Variants in MYO5B observed in about 807,000 individuals in gnomAD.
The protein encoded by MYO5B is unconventional myosin-Vb.
In MYO5B, 143 loss-of-function variants were observed where a neutral mutation model predicts 229.3. The observed-to-expected ratio is 0.62, with a 90% CI of 0.54 to 0.72. The LOEUF (loss-of-function observed/expected upper bound fraction) is 0.72. Among genes scored for constraint, MYO5B ranks in the 30% least tolerant of loss-of-function variants. MYO5B has a pLI of 0.00. For synonymous variants in MYO5B, 918 were observed against 885.2 expected (o/e 1.04, Z -0.66); for missense variants, 2,321 against 2,331.0 (o/e 1.00, Z 0.09).
At chr18:50,002,628 G>T (rs1005169772) in intron 4 of MYO5B, among the ~76,000 whole-genome samples, 2 of 152,208 alleles carry the variant, frequency 1.3e-5, no homozygotes, top group Non-Finnish European at 2.9e-5. Context: ...GAAACGGTTT[G>T]TAAGTGCTGT....
intron 7 of MYO5B, among the ~76,000 whole-genome samples, chr18:49,985,158 T>C (rs1032137483): frequency 1.3e-5 from 2 of 152,240 alleles, no homozygotes; most frequent in African/African-American, 2.4e-5. Flanking sequence ...AAAGATCTGA[T>C]ACAAGTAAAA....
chr18:50,184,072 C>T lies in MYO5B; in HGVS notation c.27+10695G>A, dbSNP rs528814076. Among the ~76,000 whole-genome samples, 10 of 152,272 alleles carry T rather than the reference C, an allele frequency of 6.6e-5. No homozygotes were observed. In the East Asian group the frequency reaches 9.6e-4, roughly 15 times the overall value. ...CTTTTTAAAATAAATTACCTAGTCT[C>T]GGGTATTCTGTTGCAGCAACACAAA... On this transcript the variant is annotated intron_variant, in intron 1 of 39. Coordinates refer to ENST00000285039, the MANE Select transcript of MYO5B (RefSeq NM_001080467.3).
At chr18:50,039,738 A>G (rs2029949624) in intron 3 of MYO5B, among the ~76,000 whole-genome samples, 1 of 152,200 alleles carries the variant, frequency 6.6e-6, no homozygotes, top group Non-Finnish European at 1.5e-5. Context: ...ATGTCAGTAC[A>G]AACAGAGGCA....
intron 22 of MYO5B, among the ~76,000 whole-genome samples, chr18:49,887,877 C>T (rs9304388): frequency 0.58 from 87,907 of 151,286 alleles, 25,671 homozygotes; most frequent in Middle Eastern, 0.67. Context: ...TTAGTAGAGA[C>T]GTGTTTCATC....
At chr18:49,959,023 C>T (rs924368725) in intron 12 of MYO5B, among the ~76,000 whole-genome samples, 7 of 152,140 alleles carry the variant, frequency 4.6e-5, no homozygotes, top group African/African-American at 1.7e-4. Flanking sequence ...GACACGGCTT[C>T]TCATTCTCCC....
At chr18:50,048,946 G>T (rs2941746) in intron 2 of MYO5B, among the ~76,000 whole-genome samples, 11 of 151,600 alleles carry the variant, frequency 7.3e-5, no homozygotes, top group South Asian at 6.3e-4. Context: ...TACTTGAACC[G>T]GGGGGGCAGA....
intron 1 of MYO5B, among the ~76,000 whole-genome samples, chr18:50,117,565 T>C (rs2144525885): frequency 6.6e-6 from 1 of 152,016 alleles, no homozygotes; most frequent in Middle Eastern, 3.4e-3. Flanking sequence ...ACTTGTAACT[T>C]ACAAAATGGG....
At chr18:49,948,941 G>C (rs567703533) in intron 14 of MYO5B, among the ~76,000 whole-genome samples, 10 of 152,336 alleles carry the variant, frequency 6.6e-5, no homozygotes, top group African/African-American at 2.4e-4. Flanking sequence ...GCACTTGGAA[G>C]TGGTAGGATC....
intron 27 of MYO5B, among the ~76,000 whole-genome samples, chr18:49,868,779 C>T (rs1053520790): frequency 1.2e-4 from 19 of 152,300 alleles, no homozygotes; most frequent in East Asian, 3.9e-4. Flanking sequence ...CTCAGGCCTC[C>T]GGAGACAATG....
chr18:49,886,040 G>C (rs2024638527), intron 22 of MYO5B, among the ~76,000 whole-genome samples: 1 of 152,108 alleles, frequency 6.6e-6, no homozygotes, highest in Non-Finnish European at 1.5e-5. Flanking sequence ...CCCAGGCTCT[G>C]GTGATCCTCC....
At chr18:50,178,245 G>A (rs968152938) in intron 1 of MYO5B, among the ~76,000 whole-genome samples, 1 of 152,100 alleles carries the variant, frequency 6.6e-6, no homozygotes, top group Non-Finnish European at 1.5e-5. Context: ...CACCACCAAT[G>A]CTCCCAGCCC....
intron 4 of MYO5B, among the ~76,000 whole-genome samples, chr18:50,005,104 T>G (rs1370673492): frequency 6.6e-6 from 1 of 152,202 alleles, no homozygotes; most frequent in Non-Finnish European, 1.5e-5. Flanking sequence ...CCAGCCAGAT[T>G]AAATTGCTAA....
intron 21 of MYO5B, among the ~76,000 whole-genome samples, chr18:49,899,487 T>G (rs2024816930): frequency 6.6e-6 from 1 of 152,196 alleles, no homozygotes; most frequent in Non-Finnish European, 1.5e-5. Context: ...AGAGTCTCCC[T>G]TGGACTGAGG....
Position 49,825,954 on chromosome 18 carries a change from A to G in MYO5B, c.*517T>C, listed in dbSNP as rs533183923. On this transcript the variant is annotated 3_prime_UTR_variant, in exon 40 of 40. Transcript: ENST00000285039. ...AATATTTCTCAGAAGTCTCATCCCC[A>G]TATTTTTGTTCTTAAAACATCTCAC... 63 of 163,566 alleles carry G rather than the reference A, an allele frequency of 3.9e-4. No individual in the cohort carries two copies. The highest frequency in any genetic ancestry group is 5.7e-4 in the Non-Finnish European group (42 of 73,898). The allele number at this position is 163,566 out of a possible 1,614,324, so 10.1% of individuals were successfully genotyped here.
chr18:50,015,458 C>A (rs1478435568), intron 4 of MYO5B, among the ~76,000 whole-genome samples: 1 of 152,152 alleles, frequency 6.6e-6, no homozygotes, highest in Non-Finnish European at 1.5e-5. Context: ...TTCTTGAAAT[C>A]TGACTATTTT....
chr18:50,132,275 G>GT (rs1444901376), intron 1 of MYO5B, among the ~76,000 whole-genome samples: 1 of 152,186 alleles, frequency 6.6e-6, no homozygotes, highest in African/African-American at 2.4e-5. Context: ...GAGCATAATG[G>GT]TTACACGTCA....
chr18:50,044,981 A>G (rs1175551281), intron 2 of MYO5B, among the ~76,000 whole-genome samples: 1 of 152,136 alleles, frequency 6.6e-6, no homozygotes, highest in African/African-American at 2.4e-5. Context: ...CAGTAAATCC[A>G]TATTTTACAT....
At chr18:50,135,372 T>C (rs1424493388) in intron 1 of MYO5B, among the ~76,000 whole-genome samples, 6 of 152,234 alleles carry the variant, frequency 3.9e-5, no homozygotes, top group Non-Finnish European at 5.9e-5. Context: ...ATATCAATTA[T>C]GTAATGATGA....
At chr18:50,076,367 A>T (rs1415572370) in intron 1 of MYO5B, among the ~76,000 whole-genome samples, 1 of 152,182 alleles carries the variant, frequency 6.6e-6, no homozygotes, top group African/African-American at 2.4e-5. Flanking sequence ...AGTAAGGGGC[A>T]CCAGCCACCA....
Sources: gnomAD v4.1 joint callset for allele counts (sites outside exome capture counted in the v4.1 genomes callset) on GRCh38, gnomAD v4.1.1 for gene constraint, MANE v1.5 for transcripts, NCBI Gene and HGNC (gene_info 2026-07-23, HGNC 2026-07-21) for gene names.